The following MYD88 variants were observed in gnomAD, a reference collection of about 807,000 sequenced individuals.
MYD88 encodes MYD88 innate immune signal transduction adaptor.
Under a neutral mutation model 31.1 loss-of-function variants are expected in MYD88, and 15 were observed. The ratio of observed to expected loss-of-function variants is 0.48; its 90% CI spans 0.32 to 0.74. The LOEUF is 0.74. Among genes scored for constraint, MYD88 ranks in the 30% least tolerant of loss-of-function variants. The pLI, the probability that MYD88 is intolerant of heterozygous loss-of-function variation, is 0.03. For synonymous variants in MYD88, 157 were observed against 158.8 expected (o/e 0.99, Z 0.08); for missense variants, 308 against 387.4 (o/e 0.79, Z 1.72).
Position 38,139,142 on chromosome 3 carries a change from A to G in MYD88, c.328+114A>G, listed in dbSNP as rs1389876572. 3 of 1,364,018 alleles carry G rather than the reference A, an allele frequency of 2.2e-6. No homozygotes were observed. The African/African-American group carries it at 4.4e-5, about 20-fold the overall frequency. 84.5% of individuals were successfully genotyped at this position (1,364,018 alleles called of 1,614,324 possible). A position where few individuals can be genotyped will look rare whatever the true frequency, so the allele number is the denominator to read the frequency against. The stretch of plus-strand genomic sequence containing the variant: ...CCCATTTCCTGCCTCGGGGGCCCGA[A>G]GAAGCCTGCAGAGGGAGAACCATGC... On this transcript the variant is annotated intron_variant, in intron 1 of 4. Coordinates refer to ENST00000650905, the MANE Select transcript of MYD88 (RefSeq NM_002468.5). The surrounding 1 kb of genome is among the most constrained non-coding windows in gnomAD (Gnocchi z 4.7).
In MYD88 at chr3:38,138,671, G is replaced by C. The variant is rs541535441; in HGVS notation, c.-30G>C. 17 of 1,561,838 alleles carry C rather than the reference G, an allele frequency of 1.1e-5. No homozygotes were observed. In the South Asian group the frequency reaches 1.7e-4, roughly 16 times the overall value. ...GAAGCGCTGGCAGACAATGCGACCC[G>C]ACCGCGCTGAGGCTCCAGGACCGCC... On this transcript the variant is annotated 5_prime_UTR_variant, in exon 1 of 5. Coordinates refer to ENST00000650905, the MANE Select transcript of MYD88 (RefSeq NM_002468.5). This position sits in a 1 kb window ranked among gnomAD's most constrained non-coding sequence, Gnocchi z 6.4.
Position 38,139,119 on chromosome 3 carries a change from C to T in MYD88, c.328+91C>T. ...CATCCTGTCTCCCATGGAGAGACCC[C>T]ATTTCCTGCCTCGGGGGCCCGAAGA... On this transcript the variant is annotated intron_variant, in intron 1 of 4. Transcript: ENST00000650905. This position sits in a 1 kb window ranked among gnomAD's most constrained non-coding sequence, Gnocchi z 4.7. The T allele has an allele frequency of 6.8e-7, 1 of 1,460,500 alleles. No homozygotes were observed. Among genetic ancestry groups the T allele is most frequent in the Non-Finnish European group, 9.1e-7 (1 of 1,104,082 alleles). The allele number at this position is 1,460,500 out of a possible 1,614,324, so 90.5% of individuals were successfully genotyped here.
chr3:38,140,050 G>A (rs752875957), intron 2 of MYD88, 52 bp downstream of exon 2: 1 of 1,604,310 alleles, frequency 6.2e-7, no homozygotes, highest in East Asian at 2.2e-5. Context: ...ACATTGTGGT[G>A]TTAAGAGCAT....
chr3:38,142,590 A>G lies in MYD88; in HGVS notation c.*1304A>G, dbSNP rs1485077080. The G allele has an allele frequency of 8.6e-6, 2 of 233,312 alleles. No individual in the cohort carries two copies. The highest frequency in any genetic ancestry group is 1.1e-4 in the Admixed American group (2 of 17,796). 14.5% of individuals were successfully genotyped at this position (233,312 alleles called of 1,614,324 possible). ...TCACACAACAATGAACTGCAGACAC[A>G]GCTGTTCTCTCCCTCTCTCCTTCCC... On this transcript the variant is annotated 3_prime_UTR_variant, in exon 5 of 5. Transcript: ENST00000650905.
chr3:38,140,411 G>T lies in MYD88; in HGVS notation c.487G>T (p.Ala163Ser), dbSNP rs1701047234. ...AGGGCATATGCCTGAGCGTTTCGAT[G>T]CCTTCATCTGCTATTGCCCCAGCGA... ...PLGHMPERFD[A>S]FICYCPSDIQ... Residue 163 changes from alanine to serine, a missense_variant, in exon 3 of 5, where the codon GCC (alanine) becomes TCC (serine). Transcript: ENST00000650905. 4 of 1,614,190 alleles carry T rather than the reference G, an allele frequency of 2.5e-6. No homozygotes were observed. Among genetic ancestry groups the T allele is most frequent in the Non-Finnish European group, 3.4e-6 (4 of 1,180,010 alleles).
In MYD88 at chr3:38,141,673, T is replaced by G; in HGVS notation, c.*387T>G. On this transcript the variant is annotated 3_prime_UTR_variant, in exon 5 of 5. Coordinates refer to ENST00000650905, the MANE Select transcript of MYD88 (RefSeq NM_002468.5). ...AATCCCTGTAGGAAATGGTGAAGCA[T>G]AGCTCTGGGTCTCCTGGGGGAGACC... 2.4e-6 allele frequency: 1 copy of G among 424,952 alleles called. No homozygotes were observed. 26.3% of individuals were successfully genotyped at this position (424,952 alleles called of 1,614,324 possible). A position where few individuals can be genotyped will look rare whatever the true frequency, so the allele number is the denominator to read the frequency against.
chr3:38,139,788 A>G lies in MYD88; in HGVS notation c.329-76A>G. The G allele has an allele frequency of 6.9e-6, 11 of 1,588,468 alleles. No individual in the cohort carries two copies. The South Asian group carries it at 1.1e-4, about 16-fold the overall frequency. On this transcript the variant is annotated intron_variant, in intron 1 of 4. Coordinates refer to ENST00000650905, the MANE Select transcript of MYD88 (RefSeq NM_002468.5). The surrounding 1 kb of genome is among the most constrained non-coding windows in gnomAD (Gnocchi z 4.7). The stretch of plus-strand genomic sequence containing the variant: ...ACAACCCAGCCAGAGGAGGTGGGAC[A>G]GCGGCTGGATCCTGACTGTGGGTAA...
rs1423428080 is a variant in MYD88, at chr3:38,138,778, C to T, written c.78C>T (p.Asn26=). Residue 26 remains asparagine, a synonymous_variant, in exon 1 of 5, where the codon AAC becomes AAT. Transcript: ENST00000650905. The surrounding 1 kb of genome is among the most constrained non-coding windows in gnomAD (Gnocchi z 6.4). ...CCTCCCTTCCCCTGGCTGCTCTCAACATGCGAGTGCGGCGCCGCCTGTCTC... is the reference window on the plus strand; with the variant it reads ...CCTCCCTTCCCCTGGCTGCTCTCAATATGCGAGTGCGGCGCCGCCTGTCTC... ...STSSLPLAAL[N]MRVRRRLSLF... 6.2e-7 allele frequency: 1 copy of T among 1,613,244 alleles called. No individual in the cohort carries two copies. Among genetic ancestry groups the T allele is most frequent in the Admixed American group, 1.7e-5 (1 of 60,036 alleles).
Position 38,139,685 on chromosome 3 carries a change from G to T in MYD88, c.329-179G>T. 1 of 748,800 alleles carries T rather than the reference G, an allele frequency of 1.3e-6. No individual in the cohort carries two copies. The highest frequency in any genetic ancestry group is 1.6e-5 in the South Asian group (1 of 62,614). 46.4% of individuals were successfully genotyped at this position (748,800 alleles called of 1,614,324 possible). On this transcript the variant is annotated intron_variant, in intron 1 of 4. Coordinates refer to ENST00000650905, the MANE Select transcript of MYD88 (RefSeq NM_002468.5). The surrounding 1 kb of genome is among the most constrained non-coding windows in gnomAD (Gnocchi z 4.7). The stretch of plus-strand genomic sequence containing the variant: ...ACACCACTGACATCCCTTTGGGTCA[G>T]TTAGAGCCAGTGGGAGCTCAACTTC...
chr3:38,142,579 A>G lies in MYD88; in HGVS notation c.*1293A>G, dbSNP rs1701105789. 1.3e-5 allele frequency: 3 copies of G among 233,172 alleles called. No individual in the cohort carries two copies. Among genetic ancestry groups the G allele is most frequent in the East Asian group, 6.0e-5 (1 of 16,610 alleles). The allele number at this position is 233,172 out of a possible 1,614,324, so 14.4% of individuals were successfully genotyped here. A position where few individuals can be genotyped will look rare whatever the true frequency, so the allele number is the denominator to read the frequency against. Reference sequence around the variant, plus strand: ...GCTGCTTAAACTCACACAACAATGAACTGCAGACACAGCTGTTCTCTCCCT... The same window carrying G: ...GCTGCTTAAACTCACACAACAATGAGCTGCAGACACAGCTGTTCTCTCCCT... On this transcript the variant is annotated 3_prime_UTR_variant, in exon 5 of 5. Transcript: ENST00000650905.
chr3:38,139,884 A>G lies in MYD88; in HGVS notation c.349A>G (p.Ile117Val), dbSNP rs2125777349. The G allele has an allele frequency of 6.2e-7, 1 of 1,613,280 alleles. No homozygotes were observed. The highest frequency in any genetic ancestry group is 8.5e-7 in the Non-Finnish European group (1 of 1,180,016). ...PSIEEDCQKYILKQQQEEAEK... is the reference protein window; with the variant it reads ...PSIEEDCQKYVLKQQQEEAEK... Reference sequence around the variant, plus strand: ...CACAGAGGAGGATTGCCAAAAGTATATCTTGAAGCAGCAGCAGGAGGAGGC... The same window carrying G: ...CACAGAGGAGGATTGCCAAAAGTATGTCTTGAAGCAGCAGCAGGAGGAGGC... Residue 117 changes from isoleucine (I) to valine (V), a missense_variant, in exon 2 of 5, where the codon ATC (isoleucine) becomes GTC (valine). By Grantham distance (29) the Ile-to-Val change is conservative. Coordinates refer to ENST00000650905, the MANE Select transcript of MYD88 (RefSeq NM_002468.5). This position sits in a 1 kb window ranked among gnomAD's most constrained non-coding sequence, Gnocchi z 4.7.
Position 38,141,711 on chromosome 3 carries a change from G to A in MYD88, c.*425G>A, listed in dbSNP as rs900217723. On this transcript the variant is annotated 3_prime_UTR_variant, in exon 5 of 5. Coordinates refer to ENST00000650905, the MANE Select transcript of MYD88 (RefSeq NM_002468.5). Reference sequence around the variant, plus strand: ...CCTGGGGGAGACCAGGCTTGGCTGCGGGAGAGCTGGCTGTTGCTGGACTAC... The same window carrying A: ...CCTGGGGGAGACCAGGCTTGGCTGCAGGAGAGCTGGCTGTTGCTGGACTAC... 11 of 399,538 alleles carry A rather than the reference G, an allele frequency of 2.8e-5. No individual in the cohort carries two copies. Among genetic ancestry groups the A allele is most frequent in the East Asian group, 1.3e-4 (3 of 23,948 alleles). The allele number at this position is 399,538 out of a possible 1,614,324, so 24.7% of individuals were successfully genotyped here. A position where few individuals can be genotyped will look rare whatever the true frequency, so the allele number is the denominator to read the frequency against.
rs775291172 is a variant in MYD88 at position 38,139,050 on chromosome 3, C to T, written c.328+22C>T. ...ATTGGTGAGGACGTCCCCTTCCTGG[C>T]CTCGTACCTGGGGGGTGAGGAGGCT... On this transcript the variant is annotated intron_variant, in intron 1 of 4. Transcript: ENST00000650905. This position sits in a 1 kb window ranked among gnomAD's most constrained non-coding sequence, Gnocchi z 4.7. The T allele has an allele frequency of 3.1e-6, 5 of 1,595,918 alleles. No homozygotes were observed. In the South Asian group the frequency reaches 3.3e-5, roughly 11 times the overall value.
chr3:38,139,191 C>T lies in MYD88; in HGVS notation c.328+163C>T. ...GCGGGTCCCGTTCCTTCTTAATAAC[C>T]GGTCGCGGTTATTAAGAAGGACTGG... On this transcript the variant is annotated intron_variant, in intron 1 of 4. Transcript: ENST00000650905. This position sits in a 1 kb window ranked among gnomAD's most constrained non-coding sequence, Gnocchi z 4.7. 2 of 1,003,710 alleles carry T rather than the reference C, an allele frequency of 2.0e-6. No homozygotes were observed. Among genetic ancestry groups the T allele is most frequent in the East Asian group, 2.6e-5 (1 of 38,044 alleles). The allele number at this position is 1,003,710 out of a possible 1,614,324, so 62.2% of individuals were successfully genotyped here.
At chr3:38,141,036 T>C (rs1701067255) in intron 4 of MYD88, 96 bp from the exon 5 acceptor site, 2 of 1,552,304 alleles carry the variant, frequency 1.3e-6, no homozygotes, top group Admixed American at 1.7e-5. Context: ...GGTACTTAGA[T>C]GGGGGATGGC....
At position 38,141,069 on chromosome 3, in the gene MYD88, G is replaced by T. The variant is rs929539105; in HGVS notation, c.737-63G>T. 4.3e-5 allele frequency: 69 copies of T among 1,611,586 alleles called. No individual in the cohort carries two copies. The Middle Eastern group carries it at 4.9e-4, about 12-fold the overall frequency. The stretch of plus-strand genomic sequence containing the variant: ...GGCTGTTGTTAACCCTGGGGTTGAA[G>T]ACTGGGCTTGTCCCACCATGGGGCA... On this transcript the variant is annotated intron_variant, in intron 4 of 4. Coordinates refer to ENST00000650905, the MANE Select transcript of MYD88 (RefSeq NM_002468.5).
rs748113162 is a variant in MYD88 at position 38,141,334 on chromosome 3, T to C, written c.*48T>C. ...GTGTGTGTATCTGTCTGCCTGTCCATGTACTTCTGCCCTGCCTCCTCCTTT... is the reference window on the plus strand; with the variant it reads ...GTGTGTGTATCTGTCTGCCTGTCCACGTACTTCTGCCCTGCCTCCTCCTTT... On this transcript the variant is annotated 3_prime_UTR_variant, in exon 5 of 5. Transcript: ENST00000650905. 18 of 1,611,228 alleles carry C rather than the reference T, an allele frequency of 1.1e-5. No homozygotes were observed. Among genetic ancestry groups the C allele is most frequent in the Non-Finnish European group, 1.5e-5 (18 of 1,177,458 alleles).
rs776633957 is a variant in MYD88 at position 38,139,026 on chromosome 3, T to C, written c.326T>C (p.Ile109Thr). 1 of 1,602,938 alleles carries C rather than the reference T, an allele frequency of 6.2e-7. No homozygotes were observed. The highest frequency in any genetic ancestry group is 1.1e-5 in the South Asian group (1 of 91,044). Residue 109 changes from isoleucine to threonine, a missense_variant and splice_region_variant, in exon 1 of 5, where the codon ATT becomes ACT. Ile to Thr is a moderately conservative substitution (Grantham distance 89). Transcript: ENST00000650905. The surrounding 1 kb of genome is among the most constrained non-coding windows in gnomAD (Gnocchi z 4.7). ...DDVLLELGPS[I>T]EEDCQKYILK... ...GTGCTGCTGGAGCTGGGACCCAGCA[T>C]TGGTGAGGACGTCCCCTTCCTGGCC... is the stretch of plus-strand genomic sequence containing the variant.
chr3:38,141,608 TGAG>T lies in MYD88; in HGVS notation c.*326_*328del. ...CATCTTCACCCTCAGTTTCCTCACT[TGAG>T]GAGTGGGATGGGGAGAACAGAGAGT... On this transcript the variant is annotated 3_prime_UTR_variant, in exon 5 of 5. Coordinates refer to ENST00000650905, the MANE Select transcript of MYD88 (RefSeq NM_002468.5). 1.5e-5 allele frequency: 7 copies of T among 475,660 alleles called. No homozygotes were observed. Among genetic ancestry groups the T allele is most frequent in the South Asian group, 1.4e-4 (7 of 48,320 alleles). 29.5% of individuals were successfully genotyped at this position (475,660 alleles called of 1,614,324 possible).
Sources: allele counts gnomAD v4.1 joint callset, GRCh38; gene constraint gnomAD v4.1.1; non-coding constraint Gnocchi (gnomAD v3.1); transcripts MANE v1.5; gene names NCBI Gene and HGNC (gene_info 2026-07-23, HGNC 2026-07-21).